Variants in CAMTA1 observed in about 807,000 individuals in gnomAD.
CAMTA1 encodes calmodulin-binding transcription activator 1.
In CAMTA1, 27 loss-of-function variants were observed where a neutral mutation model predicts 170.9. The observed-to-expected ratio is 0.16, with a 90% CI of 0.12 to 0.22. CAMTA1 has a LOEUF of 0.22. Ranked by LOEUF, CAMTA1 falls within the 10% of genes least tolerant of loss-of-function variation. CAMTA1 has a pLI of 1.00. For synonymous variants in CAMTA1, 833 were observed against 891.5 expected (o/e 0.93, Z 1.17); for missense variants, 1,619 against 2,217.2 (o/e 0.73, Z 5.42).
chr1:7,492,647 TCACA>T (rs1188767162), intron 6 of CAMTA1, among the ~76,000 whole-genome samples: 4 of 72,152 alleles, frequency 5.5e-5, no homozygotes, highest in Non-Finnish European at 1.1e-4. Flanking sequence ...ACACATACAA[TCACA>T]CAAACACAAA....
intron 3 of CAMTA1, among the ~76,000 whole-genome samples, chr1:6,896,391 A>T (rs1240111076): frequency 6.6e-6 from 1 of 152,128 alleles, no homozygotes; most frequent in African/African-American, 2.4e-5. Flanking sequence ...TGAAGACTGA[A>T]TTTGAATTCC....
intron 3 of CAMTA1, among the ~76,000 whole-genome samples, chr1:7,017,124 C>A (rs1700676323): frequency 6.6e-6 from 1 of 152,178 alleles, no homozygotes; most frequent in Admixed American, 6.5e-5. Flanking sequence ...GCTAGGTAGG[C>A]CCCGAGTCCC....
intron 6 of CAMTA1, among the ~76,000 whole-genome samples, chr1:7,603,548 C>T (rs2095463133): frequency 1.3e-5 from 2 of 152,166 alleles, no homozygotes; most frequent in Admixed American, 1.3e-4. Context: ...GATCTTCCTC[C>T]ATCCCTTTCT....
intron 9 of CAMTA1, among the ~76,000 whole-genome samples, chr1:7,666,803 C>T (rs1023345568): frequency 6.6e-6 from 1 of 152,164 alleles, no homozygotes; most frequent in Non-Finnish European, 1.5e-5. Context: ...AGGAAGAGCC[C>T]GGAAGGATCA....
chr1:6,792,489 C>G (rs1423291098), intron 1 of CAMTA1, among the ~76,000 whole-genome samples: 1 of 150,952 alleles, frequency 6.6e-6, no homozygotes, highest in Non-Finnish European at 1.5e-5. Context: ...TTTTTTTTAC[C>G]TCATTACCCT....
At chr1:7,483,098 C>T (rs1338378925) in intron 6 of CAMTA1, among the ~76,000 whole-genome samples, 1 of 152,190 alleles carries the variant, frequency 6.6e-6, no homozygotes, top group Non-Finnish European at 1.5e-5. Context: ...AGCTGGGCCC[C>T]AGCAGCCCGA....
intron 3 of CAMTA1, among the ~76,000 whole-genome samples, chr1:6,885,301 ATAAT>A (rs1672902480): frequency 6.6e-6 from 1 of 152,206 alleles, no homozygotes; most frequent in Non-Finnish European, 1.5e-5. Flanking sequence ...CATTGTTAGT[ATAAT>A]TAATTTGGCA....
chr1:7,289,684 T>C (rs945612982), intron 5 of CAMTA1, among the ~76,000 whole-genome samples: 1 of 152,202 alleles, frequency 6.6e-6, no homozygotes, highest in Non-Finnish European at 1.5e-5. Context: ...CCTTATCTAA[T>C]GACTGGTGTC....
intron 3 of CAMTA1, among the ~76,000 whole-genome samples, chr1:6,951,696 A>G (rs1034619302): frequency 5.3e-5 from 8 of 152,132 alleles, no homozygotes; most frequent in Admixed American, 3.9e-4. Context: ...CCATCGGGCT[A>G]TAGCTCCCCA....
chr1:7,582,328 C>T (rs1012068513), intron 6 of CAMTA1, among the ~76,000 whole-genome samples: 1 of 152,164 alleles, frequency 6.6e-6, no homozygotes, highest in Non-Finnish European at 1.5e-5. Context: ...TCCTCTCCTT[C>T]CCCCACTCCT....
intron 3 of CAMTA1, among the ~76,000 whole-genome samples, chr1:6,967,146 C>A (rs552768631): frequency 1.1e-4 from 17 of 151,782 alleles, no homozygotes; most frequent in African/African-American, 4.1e-4. Flanking sequence ...GAAGCTGAGA[C>A]AGGAGAATTG....
At chr1:7,238,844 T>C (rs1490653919) in intron 4 of CAMTA1, among the ~76,000 whole-genome samples, 7 of 152,128 alleles carry the variant, frequency 4.6e-5, no homozygotes, top group Admixed American at 3.9e-4. Context: ...GATAGTACCA[T>C]TGCACTCCAG....
chr1:6,904,617 A>G (rs1035471191), intron 3 of CAMTA1, among the ~76,000 whole-genome samples: 10 of 148,044 alleles, frequency 6.8e-5, no homozygotes, highest in Non-Finnish European at 7.4e-5. Context: ...ATGCAGTAGC[A>G]TGAACAACAT....
intron 4 of CAMTA1, among the ~76,000 whole-genome samples, chr1:7,155,392 G>GA (rs913124763): frequency 1.3e-5 from 2 of 151,902 alleles, no homozygotes; most frequent in South Asian, 2.1e-4. Context: ...ACCGTTGGGG[G>GA]GGGGATTGGG....
intron 4 of CAMTA1, among the ~76,000 whole-genome samples, chr1:7,105,898 G>A (rs991605061): frequency 1.3e-5 from 2 of 151,286 alleles, no homozygotes; most frequent in East Asian, 1.9e-4. Context: ...CCGAGATCAC[G>A]CACCGTACTC....
chr1:7,493,292 C>CAA (rs2093761856), intron 6 of CAMTA1, among the ~76,000 whole-genome samples: 2 of 141,714 alleles, frequency 1.4e-5, no homozygotes, highest in Admixed American at 1.4e-4. Context: ...CGCGCACAAA[C>CAA]ACAAACATAC....
intron 3 of CAMTA1, among the ~76,000 whole-genome samples, chr1:6,875,449 A>AT (rs1333926917): frequency 6.6e-6 from 1 of 151,876 alleles, no homozygotes; most frequent in African/African-American, 2.4e-5. Flanking sequence ...CACCTAGCTA[A>AT]TTTTTTTGTA....
At chr1:7,649,408 T>G (rs2095833069) in intron 7 of CAMTA1, among the ~76,000 whole-genome samples, 1 of 152,158 alleles carries the variant, frequency 6.6e-6, no homozygotes, top group South Asian at 2.1e-4. Context: ...CCCTTCCCTT[T>G]GGGAAGGAGC....
chr1:7,134,420 A>T lies in CAMTA1; in HGVS notation c.302+43049A>T, dbSNP rs1329639102. On this transcript the variant is annotated intron_variant, in intron 4 of 22. Transcript: ENST00000303635. ...AGCAATCCTCCACCTCAGCCTCCCA[A>T]GTAGCTGAAACTACAGGCCTGTGCC... Among the ~76,000 whole-genome samples, 4 of 152,108 alleles carry T rather than the reference A, an allele frequency of 2.6e-5. 1 individual carries two copies. The highest frequency in any genetic ancestry group is 9.7e-5 in the African/African-American group (4 of 41,410).
Sources: gnomAD v4.1 joint callset for allele counts (sites outside exome capture counted in the v4.1 genomes callset) on GRCh38, gnomAD v4.1.1 for gene constraint, MANE v1.5 for transcripts, NCBI Gene and HGNC (gene_info 2026-07-23, HGNC 2026-07-21) for gene names.